Variants in ZNF589 observed in about 807,000 individuals in gnomAD.
The protein encoded by ZNF589 is KRAB-zinc finger protein SZF1-1.
In ZNF589, 17 loss-of-function variants were observed where a neutral mutation model predicts 13.6. That is an observed-to-expected ratio of 1.25 (90% CI 0.86 to 1.88). ZNF589 has a LOEUF of 1.88. ZNF589 is among the 40% of genes most tolerant of loss of function. The pLI is 0.00. For missense variants in ZNF589, 407 were observed against 434.0 expected, an observed-to-expected ratio of 0.94 and a Z score of 0.55; for synonymous variants, 148 against 161.6, an observed-to-expected ratio of 0.92 and a Z score of 0.64.
intron 3 of ZNF589, among the ~76,000 whole-genome samples, chr3:48,262,643 T>G (rs1168704582): frequency 6.6e-6 from 1 of 152,210 alleles, no homozygotes. Context: ...TCAGATGAGA[T>G]CCACACATTC....
chr3:48,267,400 AT>A (rs765766945), intron 3 of ZNF589, among the ~76,000 whole-genome samples: 271 of 146,712 alleles, frequency 1.8e-3, no homozygotes, highest in Non-Finnish European at 1.8e-3. Context: ...AAATAGAAGA[AT>A]TTTTTTTTTT....
chr3:48,243,338 A>G (rs1489160877), intron 1 of ZNF589, among the ~76,000 whole-genome samples: 2 of 151,990 alleles, frequency 1.3e-5, no homozygotes, highest in Non-Finnish European at 2.9e-5. Context: ...GGGTGGTATA[A>G]CAACAGGTGG....
intron 2 of ZNF589, among the ~76,000 whole-genome samples, chr3:48,259,844 G>A (rs1311720721): frequency 1.3e-5 from 2 of 151,624 alleles, no homozygotes; most frequent in Admixed American, 6.6e-5. Flanking sequence ...GCTTGAACCC[G>A]GTAGGCAGGG....
At chr3:48,261,477 A>G (rs747784423) in intron 3 of ZNF589, among the ~76,000 whole-genome samples, 1 of 152,166 alleles carries the variant, frequency 6.6e-6, no homozygotes, top group Non-Finnish European at 1.5e-5. Flanking sequence ...ATAGTAAGAG[A>G]TGCCTTCTAT....
rs113298003 is a variant in ZNF589 at position 48,251,396 on chromosome 3, C to CA, written c.96+3733dup. Among the ~76,000 whole-genome samples, 1,027 of 137,032 alleles carry CA rather than the reference C, an allele frequency of 7.5e-3. 8 individuals are homozygous for CA. Among genetic ancestry groups the CA allele is most frequent in the Middle Eastern group, 0.023 (6 of 266 alleles). 89.9% of individuals were successfully genotyped at this position (137,032 alleles called of 152,430 possible). A position where few individuals can be genotyped will look rare whatever the true frequency, so the allele number is the denominator to read the frequency against. On this transcript the variant is annotated intron_variant, in intron 2 of 3. Coordinates refer to ENST00000354698, the MANE Select transcript of ZNF589 (RefSeq NM_016089.3). ...TGGGTGACAGAGCAAGACTCCATCT[C>CA]AAAAAAAAAAAAAATTAGCTGGGCG...
chr3:48,256,588 C>A, intron 2 of ZNF589: 1 of 733,282 alleles, frequency 1.4e-6, no homozygotes, highest in Non-Finnish European at 2.5e-6. Context: ...TCTTCACACA[C>A]CCCTCAATCT....
At position 48,270,414 on chromosome 3, in the gene ZNF589, C is replaced by T. The variant is rs2034077631; in HGVS notation, c.*1628C>T. 1.1e-5 allele frequency: 4 copies of T among 361,038 alleles called. No individual in the cohort carries two copies. Among genetic ancestry groups the T allele is most frequent in the South Asian group, 2.1e-5 (1 of 47,446 alleles). The allele number at this position is 361,038 out of a possible 1,614,324, so 22.4% of individuals were successfully genotyped here. On this transcript the variant is annotated 3_prime_UTR_variant, in exon 4 of 4. Coordinates refer to ENST00000354698, the MANE Select transcript of ZNF589 (RefSeq NM_016089.3). ...TTTAAGGGTATTTTAAACACAGCTC[C>T]TCTTAAATCCTCCAATCTCAGTACC...
chr3:48,258,834 T>C (rs1008754061), intron 2 of ZNF589, among the ~76,000 whole-genome samples: 5 of 152,138 alleles, frequency 3.3e-5, no homozygotes, highest in East Asian at 3.9e-4. Flanking sequence ...ACTCCATAGA[T>C]TGGGCTCCTA....
rs1411063577 is a variant in ZNF589 at position 48,270,674 on chromosome 3, A to G, written c.*1888A>G. 5.4e-6 allele frequency: 1 copy of G among 184,526 alleles called. No individual in the cohort carries two copies. The highest frequency in any genetic ancestry group is 1.1e-5 in the Non-Finnish European group (1 of 87,004). The allele number at this position is 184,526 out of a possible 1,614,324, so 11.4% of individuals were successfully genotyped here. ...TTTGCTAAGGGACTCTGCCACAGAA[A>G]AGAAGGGGAGAGATGTTCATGTAAC... On this transcript the variant is annotated 3_prime_UTR_variant, in exon 4 of 4. Transcript: ENST00000354698.
At chr3:48,249,107 C>CTT (rs11439670) in intron 2 of ZNF589, among the ~76,000 whole-genome samples, 205 of 143,992 alleles carry the variant, frequency 1.4e-3, no homozygotes, top group Non-Finnish European at 2.1e-3. Context: ...CTTTTTTTTT[C>CTT]TTTTTTTTTT....
Position 48,268,243 on chromosome 3 carries a change from A to C in ZNF589, c.552A>C (p.Ile184=). 1.2e-6 allele frequency: 2 copies of C among 1,606,370 alleles called. No individual in the cohort carries two copies. The highest frequency in any genetic ancestry group is 1.7e-6 in the Non-Finnish European group (2 of 1,175,938). Residue 184 remains isoleucine (I), a synonymous_variant, in exon 4 of 4, where the codon ATA becomes ATC. Transcript: ENST00000354698. Reference sequence around the variant, plus strand: ...TAAGCTCTTGGGGAGGCAACAGAATATTAGAGATACAGCTCAGTCCAGCCC... The same window carrying C: ...TAAGCTCTTGGGGAGGCAACAGAATCTTAGAGATACAGCTCAGTCCAGCCC... ...PPISSWGGNR[I]LEIQLSPAQN... is the part of the protein sequence containing the mutation.
chr3:48,251,643 G>C (rs942940070), intron 2 of ZNF589, among the ~76,000 whole-genome samples: 3 of 151,956 alleles, frequency 2.0e-5, no homozygotes, highest in African/African-American at 7.3e-5. Flanking sequence ...TATGAGATAG[G>C]GATTGGCGTT....
chr3:48,266,155 C>A (rs996278551), intron 3 of ZNF589, among the ~76,000 whole-genome samples: 1 of 152,168 alleles, frequency 6.6e-6, no homozygotes, highest in African/African-American at 2.4e-5. Flanking sequence ...GAGATCCTTG[C>A]TACTTTGACT....
intron 2 of ZNF589, chr3:48,256,998 C>T: frequency 1.7e-6 from 1 of 584,306 alleles, no homozygotes. Context: ...ACCAGCTTTG[C>T]AGAACTATAA....
At chr3:48,244,204 G>A (rs1189308031) in intron 1 of ZNF589, among the ~76,000 whole-genome samples, 1 of 152,138 alleles carries the variant, frequency 6.6e-6, no homozygotes, top group African/African-American at 2.4e-5. Context: ...GAAGGGAGAG[G>A]CTTAGATGGT....
intron 2 of ZNF589, chr3:48,256,611 C>G: frequency 1.2e-6 from 1 of 819,762 alleles, no homozygotes; most frequent in Non-Finnish European, 2.1e-6. Flanking sequence ...CAGTTCTCTT[C>G]CCGTCATAGG....
chr3:48,270,325 C>T lies in ZNF589; in HGVS notation c.*1539C>T, dbSNP rs534497725. ...CAGACTCAGGACTTAAACATAGCCA[C>T]GCCACCTTGGCCTTCAATGACAGGG... is the stretch of plus-strand genomic sequence containing the variant. On this transcript the variant is annotated 3_prime_UTR_variant, in exon 4 of 4. Coordinates refer to ENST00000354698, the MANE Select transcript of ZNF589 (RefSeq NM_016089.3). 5.6e-5 allele frequency: 24 copies of T among 428,058 alleles called. No homozygotes were observed. Among genetic ancestry groups the T allele is most frequent in the East Asian group, 7.1e-5 (1 of 14,142 alleles). The allele number at this position is 428,058 out of a possible 1,614,324, so 26.5% of individuals were successfully genotyped here. A position where few individuals can be genotyped will look rare whatever the true frequency, so the allele number is the denominator to read the frequency against.
intron 2 of ZNF589, among the ~76,000 whole-genome samples, chr3:48,251,621 T>C (rs1038944564): frequency 6.6e-6 from 1 of 152,098 alleles, no homozygotes; most frequent in Non-Finnish European, 1.5e-5. Flanking sequence ...TTTTAGTTTT[T>C]TTTTGGTGTG....
rs764429527 is a variant in ZNF589, at chr3:48,260,789, A to G, written c.97-24A>G. The G allele has an allele frequency of 6.2e-6, 10 of 1,613,878 alleles. No individual in the cohort carries two copies. In the Admixed American group the frequency reaches 1.3e-4, roughly 22 times the overall value. On this transcript the variant is annotated intron_variant, in intron 2 of 3. Transcript: ENST00000354698. Reference sequence around the variant, plus strand: ...GTGAATCTTAATGGTGACTTGATGAATATGAATTTATCGGTTGATTTAGGG... The same window carrying G: ...GTGAATCTTAATGGTGACTTGATGAGTATGAATTTATCGGTTGATTTAGGG...
Sources: allele counts gnomAD v4.1 joint callset (sites outside exome capture counted in the v4.1 genomes callset), GRCh38; gene constraint gnomAD v4.1.1; transcripts MANE v1.5; gene names NCBI Gene and HGNC (gene_info 2026-07-23, HGNC 2026-07-21).